Variants in EXOSC2 observed in about 807,000 individuals in gnomAD.
EXOSC2 encodes the protein exosome component 2.
EXOSC2 carries 29 observed loss-of-function variants against 37.6 expected under a neutral mutation model. The ratio of observed to expected loss-of-function variants is 0.77; its 90% confidence interval spans 0.57 to 1.05. The LOEUF (loss-of-function observed/expected upper bound fraction) is 1.05. Ranked by LOEUF, EXOSC2 falls within the 50% of genes least tolerant of loss-of-function variation. The probability of loss-of-function intolerance (pLI) is 0.00; values close to 1 mark genes in which losing one functional copy is unlikely to be tolerated. For synonymous variants in EXOSC2, 119 were observed against 131.1 expected (o/e 0.91, Z 0.63); for missense variants, 346 against 365.6 (o/e 0.95, Z 0.44).
At position 130,698,161 on chromosome 9, in the gene EXOSC2, G is replaced by A. The variant is rs775286375; in HGVS notation, c.271-1G>A. 2 of 1,613,838 alleles carry A rather than the reference G, an allele frequency of 1.2e-6. No homozygotes were observed. The highest frequency in any genetic ancestry group is 1.7e-6 in the Non-Finnish European group (2 of 1,179,892). On this transcript the variant is annotated splice_acceptor_variant, in intron 3 of 8. Transcript: ENST00000372358. LOFTEE classifies it high-confidence loss of function. This position sits in a 1 kb window ranked among gnomAD's most constrained non-coding sequence, Gnocchi z 4.1. ...GTCCAGGTGTGGAACTTGGCTTATAGGTTCAACAGAAGAGGTGGAAGGTGG... is the reference window on the plus strand; with the variant it reads ...GTCCAGGTGTGGAACTTGGCTTATAAGTTCAACAGAAGAGGTGGAAGGTGG...
Position 130,698,252 on chromosome 9 carries a change from G to C in EXOSC2, c.360+1G>C. 4 of 1,613,796 alleles carry C rather than the reference G, an allele frequency of 2.5e-6. No homozygotes were observed. Among genetic ancestry groups the C allele is most frequent in the Non-Finnish European group, 3.4e-6 (4 of 1,179,954 alleles). ...CATGAACCTTCCTGGAGGAGAGCTG[G>C]TAAGGGCTACAGCTGGGGCCATGGA... On this transcript the variant is annotated splice_donor_variant, in intron 4 of 8. Transcript: ENST00000372358. LOFTEE classifies it high-confidence loss of function. This position sits in a 1 kb window ranked among gnomAD's most constrained non-coding sequence, Gnocchi z 4.1.
intron 1 of EXOSC2, 113 bp from the exon 2 acceptor site, chr9:130,695,379 C>T: frequency 1.1e-6 from 1 of 873,340 alleles, no homozygotes; most frequent in Non-Finnish European, 1.9e-6. Context: ...AGCACAGAAG[C>T]CACGCTTTGC....
chr9:130,695,911 A>G (rs1304079273), intron 2 of EXOSC2, among the ~76,000 whole-genome samples: 3 of 124,624 alleles, frequency 2.4e-5, no homozygotes, highest in African/African-American at 9.6e-5. Context: ...CCGAGGCTGG[A>G]GTGCAGTGGC....
At chr9:130,696,664 A>G (rs1366092871) in intron 2 of EXOSC2, among the ~76,000 whole-genome samples, 1 of 152,180 alleles carries the variant, frequency 6.6e-6, no homozygotes, top group African/African-American at 2.4e-5. Context: ...TTTACTGTGC[A>G]TAGGACCCCG....
intron 8 of EXOSC2, 61 bp from the exon 9 acceptor site, chr9:130,703,633 G>A (rs1032756936): frequency 7.7e-7 from 1 of 1,293,318 alleles, no homozygotes; most frequent in Non-Finnish European, 1.1e-6. Flanking sequence ...TGTTTGGATT[G>A]GCTTGGTGGT....
chr9:130,696,359 G>A (rs1831097458), intron 2 of EXOSC2, among the ~76,000 whole-genome samples: 1 of 152,230 alleles, frequency 6.6e-6, no homozygotes, highest in African/African-American at 2.4e-5. Context: ...CTTGTAGCCA[G>A]AGTAAGCATT....
upstream of EXOSC2, chr9:130,693,772 C>T: frequency 6.3e-7 from 1 of 1,593,328 alleles, no homozygotes; most frequent in Non-Finnish European, 8.6e-7. Context: ...GCTGCGCCTG[C>T]GCAACTCATT....
chr9:130,703,062 C>G lies in EXOSC2; in HGVS notation c.682C>G (p.Leu228Val), dbSNP rs1392987827. The part of the protein sequence containing the change: ...GFIANLEPVS[L>V]ADREVISRLR... ...CTGTGTCTCCTTATAGCCTGTCTCT[C>G]TTGCTGATCGAGAGGTGATATCCCG... The change falls in exon 8 of 9, where the codon CTT (leucine) becomes GTT (valine). Residue 228 changes from leucine (L) to valine (V), a missense_variant. Physicochemically the swap from Leu to Val is conservative, Grantham distance 32. Transcript: ENST00000372358. 6.2e-7 allele frequency: 1 copy of G among 1,613,462 alleles called. No homozygotes were observed. Among genetic ancestry groups the G allele is most frequent in the East Asian group, 2.2e-5 (1 of 44,862 alleles).
At chr9:130,701,902 GA>G in intron 6 of EXOSC2, 1 of 1,345,420 alleles carries the variant, frequency 7.4e-7, no homozygotes, top group Non-Finnish European at 9.5e-7. Flanking sequence ...ACTGCAAAGG[GA>G]AATGACAGAG....
chr9:130,696,144 G>A (rs1355804759), intron 2 of EXOSC2, among the ~76,000 whole-genome samples: 1 of 152,142 alleles, frequency 6.6e-6, no homozygotes, highest in Non-Finnish European at 1.5e-5. Flanking sequence ...GATTACAGGC[G>A]TGAGCCACTG....
At position 130,695,662 on chromosome 9, in the gene EXOSC2, C is replaced by T. The variant is rs960373167; in HGVS notation, c.224+69C>T. 5.1e-6 allele frequency: 7 copies of T among 1,362,624 alleles called. No homozygotes were observed. In the Admixed American group the frequency reaches 1.2e-4, roughly 24 times the overall value. 84.4% of individuals were successfully genotyped at this position (1,362,624 alleles called of 1,614,324 possible). On this transcript the variant is annotated intron_variant, in intron 2 of 8. Transcript: ENST00000372358. ...TGTACAACCAGGCTTTTCCTGCCCC[C>T]TCCTTATCCCCCACCCCACCCCTGC...
chr9:130,702,283 A>T lies in EXOSC2; in HGVS notation c.645A>T (p.Glu215Asp). ...IYPTPEHKEEEAGGFIANLEP... is the reference protein window; with the variant it reads ...IYPTPEHKEEDAGGFIANLEP... ...CAACACCTGAGCACAAAGAAGAGGAAGCAGGGGGCTTCATTGCAAACCTGG... is the reference window on the plus strand; with the variant it reads ...CAACACCTGAGCACAAAGAAGAGGATGCAGGGGGCTTCATTGCAAACCTGG... The change falls in exon 7 of 9, where the codon GAA (glutamate) becomes GAT (aspartate). Residue 215 changes from glutamate to aspartate, a missense_variant. Transcript: ENST00000372358. 6.2e-7 allele frequency: 1 copy of T among 1,614,118 alleles called. No homozygotes were observed. Among genetic ancestry groups the T allele is most frequent in the South Asian group, 1.1e-5 (1 of 91,074 alleles).
intron 6 of EXOSC2, chr9:130,701,556 CAG>C: frequency 1.0e-6 from 1 of 982,366 alleles, no homozygotes; most frequent in Non-Finnish European, 1.2e-6. Flanking sequence ...GGAGTGGCTG[CAG>C]ACAGCCACGT....
rs1831288714 is a variant in EXOSC2 at position 130,704,663 on chromosome 9, A to G, written c.*889A>G. 1 of 152,106 alleles carries G rather than the reference A, an allele frequency of 6.6e-6. No homozygotes were observed. Among genetic ancestry groups the G allele is most frequent in the Admixed American group, 6.6e-5 (1 of 15,246 alleles). 9.4% of individuals were successfully genotyped at this position (152,106 alleles called of 1,614,324 possible). The stretch of plus-strand genomic sequence containing the variant: ...TGTCCTGCTTGGAGAGTGACTTGTA[A>G]GATGCTGAATTATTCATGATAATAC... On this transcript the variant is annotated 3_prime_UTR_variant, in exon 9 of 9. Coordinates refer to ENST00000372358, the MANE Select transcript of EXOSC2 (RefSeq NM_014285.7).
chr9:130,702,940 G>A lies in EXOSC2; in HGVS notation c.673-113G>A, dbSNP rs1197889088. ...GAATTAGCTGTTTGGTTGATTTGGA[G>A]TTCCAGGGTGATACTGTCTGAGTCA... On this transcript the variant is annotated intron_variant, in intron 7 of 8. Coordinates refer to ENST00000372358, the MANE Select transcript of EXOSC2 (RefSeq NM_014285.7). The A allele has an allele frequency of 3.1e-6, 4 of 1,303,844 alleles. No individual in the cohort carries two copies. The African/African-American group carries it at 5.8e-5, about 19-fold the overall frequency. The allele number at this position is 1,303,844 out of a possible 1,614,324, so 80.8% of individuals were successfully genotyped here. A position where few individuals can be genotyped will look rare whatever the true frequency, so the allele number is the denominator to read the frequency against.
At position 130,695,007 on chromosome 9, in the gene EXOSC2, C is replaced by T. The variant is rs377168514; in HGVS notation, c.123-485C>T. ...GGATTACAGGCATGAGCCACCATGCCTGGCCCCTAGGAAATCTTAAGATTC... is the reference window on the plus strand; with the variant it reads ...GGATTACAGGCATGAGCCACCATGCTTGGCCCCTAGGAAATCTTAAGATTC... On this transcript the variant is annotated intron_variant, in intron 1 of 8. Coordinates refer to ENST00000372358, the MANE Select transcript of EXOSC2 (RefSeq NM_014285.7). Among the ~76,000 whole-genome samples the T allele has an allele frequency of 1.4e-4, 21 of 152,282 alleles. 1 individual carries two copies. Among genetic ancestry groups the T allele is most frequent in the African/African-American group, 5.1e-4 (21 of 41,536 alleles).
chr9:130,697,946 A>C, intron 3 of EXOSC2: 1 of 554,804 alleles, frequency 1.8e-6, no homozygotes. Context: ...GGCACCCGCC[A>C]CCACGCCCAG....
intron 7 of EXOSC2, among the ~76,000 whole-genome samples, chr9:130,702,800 G>C (rs1831247037): frequency 6.6e-6 from 1 of 152,028 alleles, no homozygotes; most frequent in African/African-American, 2.4e-5. Context: ...TCACCATGTT[G>C]GTCAGGCTGG....
At chr9:130,702,845 G>A (rs576705641) in intron 7 of EXOSC2, among the ~76,000 whole-genome samples, 10 of 152,162 alleles carry the variant, frequency 6.6e-5, no homozygotes, top group Admixed American at 2.0e-4. Flanking sequence ...CACCCGCCTC[G>A]GCCTCCCAAA....
Sources: allele counts gnomAD v4.1 joint callset (sites outside exome capture counted in the v4.1 genomes callset), GRCh38; gene constraint gnomAD v4.1.1; non-coding constraint Gnocchi (gnomAD v3.1); transcripts MANE v1.5; gene names NCBI Gene and HGNC (gene_info 2026-07-23, HGNC 2026-07-21).